TANGO6: variants seen among roughly 807,000 people sequenced by gnomAD.
TANGO6 encodes the protein transport and Golgi organization protein 6 homolog.
Under a neutral mutation model 114.2 loss-of-function variants are expected in TANGO6, and 90 were observed. The ratio of observed to expected loss-of-function variants is 0.79; its 90% CI spans 0.66 to 0.94. The LOEUF (loss-of-function observed/expected upper bound fraction) is 0.94, where lower values mean the gene tolerates loss of function less well. Among genes scored for constraint, TANGO6 ranks in the 40% least tolerant of loss-of-function variants. TANGO6 has a pLI of 0.00. For synonymous variants in TANGO6, 477 were observed against 509.8 expected (o/e 0.94, Z 0.87); for missense variants, 1,274 against 1,315.3 (o/e 0.97, Z 0.49).
chr16:68,987,040 C>T (rs989750214), intron 15 of TANGO6, among the ~76,000 whole-genome samples: 2 of 152,148 alleles, frequency 1.3e-5, no homozygotes, highest in Non-Finnish European at 2.9e-5. Flanking sequence ...TTGGCTTCAC[C>T]TGGTAATTAA....
At chr16:68,957,514 C>A (rs1175105913) in intron 14 of TANGO6, among the ~76,000 whole-genome samples, 1 of 151,556 alleles carries the variant, frequency 6.6e-6, no homozygotes, top group East Asian at 2.0e-4. Flanking sequence ...TCTCGTGCCT[C>A]GGCCTCCTGA....
chr16:69,082,250 G>A (rs1304095031), intron 17 of TANGO6, among the ~76,000 whole-genome samples: 1 of 152,098 alleles, frequency 6.6e-6, no homozygotes, highest in Non-Finnish European at 1.5e-5. Context: ...CTTCCAAAGT[G>A]CTGGGACTAC....
intron 16 of TANGO6, among the ~76,000 whole-genome samples, chr16:69,030,778 G>A (rs990312864): frequency 2.0e-5 from 3 of 152,026 alleles, no homozygotes; most frequent in Admixed American, 6.6e-5. Flanking sequence ...AGGGCCGGGC[G>A]CGGTGGCTCA....
chr16:69,082,506 G>A (rs1960480851), intron 17 of TANGO6, among the ~76,000 whole-genome samples: 1 of 152,056 alleles, frequency 6.6e-6, no homozygotes, highest in Non-Finnish European at 1.5e-5. Context: ...CAATACTTTG[G>A]GAGGCCGAGG....
rs34796579 is a variant in TANGO6 at position 69,018,139 on chromosome 16, CT to C, written c.2843-4667del. Reference sequence around the variant, plus strand: ...CACCATGCCCAGCCGTTGGAAATCTCTTTTTTTTTTTTTTTTTTTTTTGAGA... The same window carrying C: ...CACCATGCCCAGCCGTTGGAAATCTCTTTTTTTTTTTTTTTTTTTTTGAGA... On this transcript the variant is annotated intron_variant, in intron 15 of 17. Coordinates refer to ENST00000261778, the MANE Select transcript of TANGO6 (RefSeq NM_024562.2). 8.8e-3 allele frequency among the ~76,000 whole-genome samples: 682 copies of C among 77,066 alleles called. 3 individuals are homozygous for C. The highest frequency in any genetic ancestry group is 0.023 in the African/African-American group (500 of 21,516). The allele number at this position is 77,066 out of a possible 152,430, so 50.6% of individuals were successfully genotyped here.
intron 7 of TANGO6, among the ~76,000 whole-genome samples, chr16:68,891,691 T>C (rs1334994940): frequency 3.3e-5 from 5 of 152,194 alleles, no homozygotes; most frequent in Non-Finnish European, 5.9e-5. Context: ...AGTCCAGCTT[T>C]GCTCAGTCTG....
intron 7 of TANGO6, among the ~76,000 whole-genome samples, chr16:68,899,522 T>C (rs1490306597): frequency 4.6e-5 from 7 of 151,932 alleles, no homozygotes; most frequent in Non-Finnish European, 1.5e-5. Flanking sequence ...TTTTTTTTAA[T>C]TTTTTTCATA....
chr16:68,883,067 C>T (rs1016768165), intron 7 of TANGO6, among the ~76,000 whole-genome samples: 1 of 152,048 alleles, frequency 6.6e-6, no homozygotes, highest in Non-Finnish European at 1.5e-5. Context: ...TGTGGTGGCA[C>T]GTGCCTGTAA....
In TANGO6 at chr16:69,083,590, C is replaced by T; in HGVS notation, c.3214C>T (p.Leu1072=). 1 of 1,599,194 alleles carries T rather than the reference C, an allele frequency of 6.3e-7. No homozygotes were observed. The highest frequency in any genetic ancestry group is 8.5e-7 in the Non-Finnish European group (1 of 1,172,878). Residue 1072 remains leucine, a synonymous_variant, in exon 18 of 18, where the codon CTG becomes TTG. Transcript: ENST00000261778. ...CCATGCCCAGTTGGCCCTAGAAGAG[C>T]TGGATGACATCATGAAAAACTTCCT... is the stretch of plus-strand genomic sequence containing the variant. ...KLHAQLALEE[L]DDIMKNFLFP...
intron 17 of TANGO6, among the ~76,000 whole-genome samples, chr16:69,056,185 C>T (rs1379402237): frequency 1.3e-5 from 2 of 152,130 alleles, no homozygotes; most frequent in Admixed American, 1.3e-4. Context: ...TAAAACTATT[C>T]CCTTTCTGCC....
intron 15 of TANGO6, among the ~76,000 whole-genome samples, chr16:68,982,629 C>CATTTTTTTTTTTTTTTTT (rs1567553024): frequency 2.5e-5 from 3 of 120,538 alleles, no homozygotes; most frequent in African/African-American, 1.2e-4. Flanking sequence ...CATGCCCTGG[C>CATTTTTTTTTTTTTTTTT]CTTTTTTTTT....
intron 17 of TANGO6, among the ~76,000 whole-genome samples, chr16:69,050,078 C>T (rs1959924055): frequency 2.0e-5 from 3 of 152,132 alleles, no homozygotes; most frequent in Admixed American, 2.0e-4. Context: ...GTTTTCATTT[C>T]TCTTGGGTAT....
intron 15 of TANGO6, among the ~76,000 whole-genome samples, chr16:68,993,658 A>G (rs569058786): frequency 1.4e-4 from 22 of 152,238 alleles, no homozygotes; most frequent in Non-Finnish European, 7.3e-5. Flanking sequence ...GTGTTTGTCA[A>G]TATTACGAGG....
At chr16:69,069,536 G>A (rs544763114) in intron 17 of TANGO6, among the ~76,000 whole-genome samples, 5 of 152,272 alleles carry the variant, frequency 3.3e-5, no homozygotes, top group African/African-American at 1.2e-4. Flanking sequence ...TCAATCTAGA[G>A]AATCTTTTTT....
intron 16 of TANGO6, chr16:69,033,832 G>T: frequency 6.4e-6 from 1 of 155,800 alleles, no homozygotes; most frequent in Non-Finnish European, 1.4e-5. Context: ...ACAAGGAGTG[G>T]ATACCCATCA....
At chr16:68,943,363 A>ATT (rs1198050231) in intron 14 of TANGO6, among the ~76,000 whole-genome samples, 27 of 131,590 alleles carry the variant, frequency 2.1e-4, no homozygotes, top group East Asian at 1.8e-3. Context: ...GAATCTGAGA[A>ATT]TTTTTTTTTT....
At chr16:69,077,008 A>G (rs1320873567) in intron 17 of TANGO6, among the ~76,000 whole-genome samples, 1 of 151,930 alleles carries the variant, frequency 6.6e-6, no homozygotes, top group African/African-American at 2.4e-5. Context: ...AAACAAAACA[A>G]AACACACACA....
chr16:69,039,078 G>A (rs1213779771), intron 16 of TANGO6, among the ~76,000 whole-genome samples: 8 of 152,034 alleles, frequency 5.3e-5, no homozygotes, highest in African/African-American at 1.7e-4. Context: ...CCAGCTACTC[G>A]GGAGGTTGAG....
chr16:68,969,741 A>G (rs1244494006), intron 14 of TANGO6, among the ~76,000 whole-genome samples: 4 of 152,084 alleles, frequency 2.6e-5, no homozygotes, highest in African/African-American at 9.7e-5. Flanking sequence ...AGGGTGTGTT[A>G]GGATTATTTT....
Sources: gnomAD v4.1 joint callset for allele counts (sites outside exome capture counted in the v4.1 genomes callset) on GRCh38, gnomAD v4.1.1 for gene constraint, MANE v1.5 for transcripts, NCBI Gene and HGNC (gene_info 2026-07-23, HGNC 2026-07-21) for gene names.